C12orf42: variants seen among roughly 807,000 people sequenced by gnomAD.
C12orf42 encodes the protein uncharacterized protein C12orf42.
A neutral mutation model predicts 21.6 loss-of-function variants in C12orf42; 25 were observed. That is an observed-to-expected ratio of 1.16 (90% CI 0.84 to 1.62). The LOEUF (loss-of-function observed/expected upper bound fraction) is 1.62. Among genes scored for constraint, C12orf42 ranks in the 40% most tolerant of loss-of-function variants. C12orf42 has a pLI of 0.00. For missense variants in C12orf42, 483 were observed against 459.3 expected (o/e 1.05, Z -0.47); for synonymous variants, 174 against 175.0 (o/e 0.99, Z 0.05).
intron 2 of C12orf42, among the ~76,000 whole-genome samples, chr12:103,450,492 C>A (rs1173586502): frequency 1.3e-5 from 2 of 152,054 alleles, no homozygotes; most frequent in African/African-American, 2.4e-5. Flanking sequence ...GTTTTGATAT[C>A]AAGATTATCC....
At chr12:103,432,224 A>G (rs1950317013) in intron 2 of C12orf42, among the ~76,000 whole-genome samples, 1 of 152,202 alleles carries the variant, frequency 6.6e-6, no homozygotes. Flanking sequence ...CTTAGTAAGC[A>G]TGCTTAACCC....
the C12orf42 span, among the ~76,000 whole-genome samples, chr12:103,182,077 G>A: frequency 2.7e-5 from 4 of 149,380 alleles, no homozygotes; most frequent in Admixed American, 6.7e-5. Context: ...TTTTTATTTT[G>A]TTTTAACTCA....
At chr12:103,095,741 T>C in the C12orf42 span, among the ~76,000 whole-genome samples, 2 of 152,236 alleles carry the variant, frequency 1.3e-5, no homozygotes, top group Non-Finnish European at 2.9e-5. Context: ...TTAGATCAAT[T>C]CCTGACACAT....
intron 3 of C12orf42, among the ~76,000 whole-genome samples, chr12:103,391,509 C>T (rs1347999314): frequency 6.6e-6 from 1 of 152,034 alleles, no homozygotes; most frequent in Admixed American, 6.6e-5. Flanking sequence ...TTACATTGCT[C>T]TAATGGTGTT....
chr12:103,520,680 T>C, the C12orf42 span, among the ~76,000 whole-genome samples: 25 of 151,948 alleles, frequency 1.6e-4, no homozygotes, highest in African/African-American at 6.0e-4. Context: ...AGACTCTGTC[T>C]CAAAAACATA....
At chr12:103,482,004 C>G (rs955583092) in intron 1 of C12orf42, among the ~76,000 whole-genome samples, 1 of 151,980 alleles carries the variant, frequency 6.6e-6, no homozygotes, top group Non-Finnish European at 1.5e-5. Context: ...ATGGACCACC[C>G]ACTGCCAAAT....
the C12orf42 span, among the ~76,000 whole-genome samples, chr12:103,562,772 G>T: frequency 1.3e-5 from 2 of 152,094 alleles, no homozygotes; most frequent in Non-Finnish European, 2.9e-5. Context: ...ATTCTCAGTG[G>T]GGCTCATGAA....
At chr12:103,118,294 G>A in the C12orf42 span, among the ~76,000 whole-genome samples, 6 of 152,144 alleles carry the variant, frequency 3.9e-5, no homozygotes, top group Non-Finnish European at 7.4e-5. Flanking sequence ...TTTGAAGAAT[G>A]AATGAATGAA....
chr12:103,268,860 T>C (rs919256898), exon 7 of C12orf42: 3 of 152,182 alleles, frequency 2.0e-5, no homozygotes, highest in Admixed American at 1.3e-4. Flanking sequence ...TGGATAACTC[T>C]CTTTTGTGTG....
chr12:103,456,558 A>ACTCAC (rs1365024549), intron 2 of C12orf42, among the ~76,000 whole-genome samples: 1 of 152,192 alleles, frequency 6.6e-6, no homozygotes, highest in Non-Finnish European at 1.5e-5. Flanking sequence ...GAATCTTTTA[A>ACTCAC]CTCATTGTTT....
At chr12:103,076,863 A>G in the C12orf42 span, among the ~76,000 whole-genome samples, 14 of 152,322 alleles carry the variant, frequency 9.2e-5, no homozygotes, top group African/African-American at 3.4e-4. Context: ...CTGAGATACA[A>G]AAAGGTTAAT....
chr12:103,049,559 T>C, the C12orf42 span, among the ~76,000 whole-genome samples: 1 of 152,186 alleles, frequency 6.6e-6, no homozygotes, highest in Non-Finnish European at 1.5e-5. Flanking sequence ...TGTAAGACAG[T>C]CTTACCATTC....
chr12:103,305,744 A>G (rs1205686406), intron 5 of C12orf42, among the ~76,000 whole-genome samples: 1 of 152,198 alleles, frequency 6.6e-6, no homozygotes, highest in Non-Finnish European at 1.5e-5. Context: ...TGTCAGGTGC[A>G]ATAACTGAAT....
the C12orf42 span, among the ~76,000 whole-genome samples, chr12:103,180,718 T>G: frequency 2.3e-5 from 3 of 130,152 alleles, no homozygotes; most frequent in African/African-American, 8.8e-5. Context: ...AAACTGCACC[T>G]CCTGGGTTCA....
chr12:103,289,716 G>A (rs1171461063), intron 4 of C12orf42, among the ~76,000 whole-genome samples: 1 of 152,024 alleles, frequency 6.6e-6, no homozygotes, highest in African/African-American at 2.4e-5. Context: ...TTGTGATGGG[G>A]GGAAAAAACA....
intron 4 of C12orf42, among the ~76,000 whole-genome samples, chr12:103,318,292 A>C (rs535966465): frequency 3.3e-4 from 51 of 152,266 alleles, no homozygotes; most frequent in Non-Finnish European, 6.2e-4. Flanking sequence ...TCAAAAAAAA[A>C]CAAAAAAGTA....
chr12:103,181,464 C>T, the C12orf42 span, among the ~76,000 whole-genome samples: 1 of 152,072 alleles, frequency 6.6e-6, no homozygotes, highest in African/African-American at 2.4e-5. Context: ...TACTCAACAA[C>T]AACAAAATAG....
intron 2 of C12orf42, among the ~76,000 whole-genome samples, chr12:103,413,137 T>G (rs1017472158): frequency 6.6e-6 from 1 of 152,208 alleles, no homozygotes; most frequent in Non-Finnish European, 1.5e-5. Flanking sequence ...TTTTTGTACA[T>G]GGGTGAAAGC....
intron 3 of C12orf42, among the ~76,000 whole-genome samples, chr12:103,390,547 G>T (rs2046985857): frequency 6.6e-6 from 1 of 152,102 alleles, no homozygotes; most frequent in Non-Finnish European, 1.5e-5. Context: ...GGTAATCAGG[G>T]TTCTCCAGAG....
Sources: allele counts gnomAD v4.1 joint callset (sites outside exome capture counted in the v4.1 genomes callset), GRCh38; gene constraint gnomAD v4.1.1; transcripts MANE v1.5; gene names NCBI Gene and HGNC (gene_info 2026-07-23, HGNC 2026-07-21).